Variants in PDE3B observed in about 807,000 individuals in gnomAD.
The protein encoded by PDE3B is phosphodiesterase 3B.
Under a neutral mutation model 116.8 loss-of-function variants are expected in PDE3B, and 66 were observed. That is an observed-to-expected ratio of 0.56 (90% confidence interval 0.46 to 0.69). The LOEUF is 0.69. Ranked by LOEUF, PDE3B falls within the 30% of genes least tolerant of loss-of-function variation. The pLI is 0.00. For synonymous variants in PDE3B, 595 were observed against 533.6 expected, an observed-to-expected ratio of 1.12 and a Z score of -1.59; for missense variants, 1,384 against 1,368.1, an observed-to-expected ratio of 1.01 and a Z score of -0.18.
At chr11:14,683,263 G>T (rs1443448589) in intron 1 of PDE3B, among the ~76,000 whole-genome samples, 2 of 151,814 alleles carry the variant, frequency 1.3e-5, no homozygotes, top group Non-Finnish European at 2.9e-5. Flanking sequence ...TTAATGTTGG[G>T]TTGAATTTGC....
At chr11:14,817,750 A>G (rs1253617797) in intron 5 of PDE3B, among the ~76,000 whole-genome samples, 1 of 152,214 alleles carries the variant, frequency 6.6e-6, no homozygotes, top group Non-Finnish European at 1.5e-5. Flanking sequence ...ACAAAAAAAG[A>G]GAATTTAAAT....
At chr11:14,781,685 C>G (rs1017813927) in intron 2 of PDE3B, among the ~76,000 whole-genome samples, 1 of 152,120 alleles carries the variant, frequency 6.6e-6, no homozygotes, top group African/African-American at 2.4e-5. Flanking sequence ...CTATGTATGA[C>G]AAACCCACAG....
chr11:14,786,336 T>TAC (rs1434282786), intron 2 of PDE3B, 101 bp from the exon 3 acceptor site: 6 of 790,902 alleles, frequency 7.6e-6, no homozygotes, highest in Non-Finnish European at 1.1e-5. Flanking sequence ...GGTTATTTGC[T>TAC]ACATATATAT....
At chr11:14,893,160 T>A in the PDE3B span, among the ~76,000 whole-genome samples, 1 of 152,258 alleles carries the variant, frequency 6.6e-6, no homozygotes, top group East Asian at 1.9e-4. Flanking sequence ...TCCCATGTCC[T>A]AAGCAATGGA....
the PDE3B span, chr11:14,890,975 G>C: frequency 1.0e-6 from 1 of 985,428 alleles, no homozygotes; most frequent in Non-Finnish European, 1.2e-6. Flanking sequence ...CCGATAATGA[G>C]ATTAGTTTTC....
rs991776839 is a variant in PDE3B, at chr11:14,833,626, A to G, written c.2206+793A>G. On this transcript the variant is annotated intron_variant, in intron 10 of 15. Transcript: ENST00000282096. The stretch of plus-strand genomic sequence containing the variant: ...AATAATTTAATGGCTATTATATATT[A>G]TGTTTGAATATAATTTGAGTTTCAT... 3.9e-5 allele frequency among the ~76,000 whole-genome samples: 6 copies of G among 152,286 alleles called. No individual in the cohort carries two copies. In the East Asian group the frequency reaches 9.6e-4, roughly 24 times the overall value.
chr11:14,781,714 G>A (rs907640231), intron 2 of PDE3B, among the ~76,000 whole-genome samples: 1 of 152,136 alleles, frequency 6.6e-6, no homozygotes, highest in Non-Finnish European at 1.5e-5. Context: ...ATACTGAATG[G>A]GCAAAAACTG....
At chr11:14,885,609 T>A in the PDE3B span, among the ~76,000 whole-genome samples, 4 of 152,198 alleles carry the variant, frequency 2.6e-5, no homozygotes, top group African/African-American at 9.6e-5. Context: ...TGGTCTAAAA[T>A]ATGCGTGTAG....
chr11:14,732,604 A>G (rs994995848), intron 1 of PDE3B, among the ~76,000 whole-genome samples: 2 of 152,206 alleles, frequency 1.3e-5, no homozygotes, highest in Non-Finnish European at 1.5e-5. Flanking sequence ...AGGATGGATC[A>G]TCTGTGTTTG....
At chr11:14,673,205 A>G (rs1854425187) in intron 1 of PDE3B, among the ~76,000 whole-genome samples, 1 of 152,044 alleles carries the variant, frequency 6.6e-6, no homozygotes, top group Non-Finnish European at 1.5e-5. Flanking sequence ...GTGTTCAGTT[A>G]TATACACTGA....
At position 14,871,991 on chromosome 11, in the gene PDE3B, A is replaced by G. The variant is rs782478810; in HGVS notation, c.*2331A>G. Reference sequence around the variant, plus strand: ...GTACTAGAAATATTCTTTTAATGCTATATCTATGTACCTACTGACACATTT... The same window carrying G: ...GTACTAGAAATATTCTTTTAATGCTGTATCTATGTACCTACTGACACATTT... On this transcript the variant is annotated 3_prime_UTR_variant, in exon 16 of 16. Transcript: ENST00000282096. The G allele has an allele frequency of 4.6e-5, 7 of 152,200 alleles. No individual in the cohort carries two copies. The highest frequency in any genetic ancestry group is 3.8e-4 in the East Asian group (2 of 5,200). The allele number at this position is 152,200 out of a possible 1,614,324, so 9.4% of individuals were successfully genotyped here.
chr11:14,747,968 T>TAA (rs2133872367), intron 1 of PDE3B, among the ~76,000 whole-genome samples: 1 of 152,324 alleles, frequency 6.6e-6, no homozygotes, highest in African/African-American at 2.4e-5. Context: ...TTTACAAGTA[T>TAA]AATTAGATTT....
chr11:14,660,187 T>C (rs1374766471), intron 1 of PDE3B, among the ~76,000 whole-genome samples: 2 of 152,220 alleles, frequency 1.3e-5, no homozygotes, highest in East Asian at 3.8e-4. Flanking sequence ...TATGCCCTGT[T>C]TATAAGGGAG....
rs1847533398 is a variant in PDE3B, at chr11:14,844,083, G to C, written c.2520+57G>C. On this transcript the variant is annotated intron_variant, in intron 12 of 15. Transcript: ENST00000282096. ...TAATTCTGAAATTTTCAGTCATGCT[G>C]TGTATCCCTTTATAAATCATTCAGT... 3.2e-6 allele frequency: 4 copies of C among 1,253,466 alleles called. No individual in the cohort carries two copies. The Admixed American group carries it at 5.1e-5, about 16-fold the overall frequency. The allele number at this position is 1,253,466 out of a possible 1,614,324, so 77.6% of individuals were successfully genotyped here. A position where few individuals can be genotyped will look rare whatever the true frequency, so the allele number is the denominator to read the frequency against.
chr11:14,724,663 T>G (rs1397317953), intron 1 of PDE3B, among the ~76,000 whole-genome samples: 2 of 152,128 alleles, frequency 1.3e-5, no homozygotes, highest in African/African-American at 4.8e-5. Context: ...TTAGATTGGA[T>G]CACACAGAAC....
intron 1 of PDE3B, among the ~76,000 whole-genome samples, chr11:14,723,369 A>G (rs1856180790): frequency 6.6e-6 from 1 of 152,202 alleles, no homozygotes; most frequent in Admixed American, 6.5e-5. Context: ...CACTTACAAC[A>G]TTTTGAAGTA....
the PDE3B span, among the ~76,000 whole-genome samples, chr11:14,877,195 G>A: frequency 6.6e-6 from 1 of 152,026 alleles, no homozygotes; most frequent in Admixed American, 6.6e-5. Flanking sequence ...TACCCTTGTT[G>A]TCCTGACATA....
At chr11:14,728,597 A>T (rs981263518) in intron 1 of PDE3B, among the ~76,000 whole-genome samples, 11 of 152,146 alleles carry the variant, frequency 7.2e-5, no homozygotes, top group African/African-American at 2.4e-4. Flanking sequence ...GAGGTTAATT[A>T]TGTTGATAAA....
chr11:14,651,202 G>C (rs1314677663), intron 1 of PDE3B, among the ~76,000 whole-genome samples: 3 of 152,142 alleles, frequency 2.0e-5, no homozygotes, highest in Non-Finnish European at 2.9e-5. Flanking sequence ...TTGGCTTGCA[G>C]ATGCATCACG....
Sources: allele counts gnomAD v4.1 joint callset (sites outside exome capture counted in the v4.1 genomes callset), GRCh38; gene constraint gnomAD v4.1.1; transcripts MANE v1.5; gene names NCBI Gene and HGNC (gene_info 2026-07-23, HGNC 2026-07-21).